Variants in PCSK5 observed in about 807,000 individuals in gnomAD.
The protein encoded by PCSK5 is proprotein convertase subtilisin/kexin type 5.
A neutral mutation model predicts 233.2 loss-of-function variants in PCSK5; 129 were observed. The observed-to-expected ratio is 0.55, with a 90% confidence interval of 0.48 to 0.64. The LOEUF (loss-of-function observed/expected upper bound fraction) is 0.64, where lower values mean the gene tolerates loss of function less well. PCSK5 is among the 30% of genes least tolerant of loss of function. The pLI is 0.00. For synonymous variants in PCSK5, 825 were observed against 879.2 expected, an observed-to-expected ratio of 0.94 and a Z score of 1.09; for missense variants, 2,076 against 2,430.1, an observed-to-expected ratio of 0.85 and a Z score of 3.06.
intron 34 of PCSK5, among the ~76,000 whole-genome samples, chr9:76,334,574 T>C (rs927707667): frequency 4.6e-5 from 7 of 151,740 alleles, no homozygotes; most frequent in Admixed American, 4.6e-4. Context: ...CTACTAAAAA[T>C]ACAAAAACTA....
intron 21 of PCSK5, among the ~76,000 whole-genome samples, chr9:76,230,808 C>T (rs749683851): frequency 5.9e-5 from 9 of 152,006 alleles, no homozygotes; most frequent in Non-Finnish European, 1.2e-4. Flanking sequence ...CTCACTGCCT[C>T]CCGTCATCCC....
At chr9:76,233,375 CA>C in intron 21 of PCSK5, 84 bp from the exon 22 acceptor site, 1 of 1,356,602 alleles carries the variant, frequency 7.4e-7, no homozygotes, top group Non-Finnish European at 1.0e-6. Flanking sequence ...ATCTGTCCAG[CA>C]AACATGAATA....
Position 76,325,701 on chromosome 9 carries a change from G to A in PCSK5, c.4340-2308G>A, listed in dbSNP as rs1564181907. ...CTGCCAGGCTGGAGTGCAATGGCGC[G>A]ATCTGGACTCACCACAACCTCCGCC... is the stretch of plus-strand genomic sequence containing the variant. On this transcript the variant is annotated intron_variant, in intron 32 of 37. Coordinates refer to ENST00000674117, the MANE Select transcript of PCSK5 (RefSeq NM_001372043.1). Among the ~76,000 whole-genome samples, 5 of 151,802 alleles carry A rather than the reference G, an allele frequency of 3.3e-5. No individual in the cohort carries two copies. The South Asian group carries it at 8.3e-4, about 25-fold the overall frequency.
chr9:76,183,070 T>G (rs1357211580), intron 16 of PCSK5, among the ~76,000 whole-genome samples: 1 of 152,018 alleles, frequency 6.6e-6, no homozygotes, highest in Non-Finnish European at 1.5e-5. Context: ...AAGGAGAAAT[T>G]GGGAGACAGA....
chr9:76,142,607 A>G lies in PCSK5; in HGVS notation c.1312+8395A>G, dbSNP rs139099566. Reference sequence around the variant, plus strand: ...GCTTAAGTAAAATTATTTATGAGCTATATGTCATGCATTCTAATAAAACAT... The same window carrying G: ...GCTTAAGTAAAATTATTTATGAGCTGTATGTCATGCATTCTAATAAAACAT... On this transcript the variant is annotated intron_variant, in intron 10 of 37. Transcript: ENST00000674117. Among the ~76,000 whole-genome samples, 1,279 of 152,298 alleles carry G rather than the reference A, an allele frequency of 8.4e-3. 28 individuals are homozygous for G. Among genetic ancestry groups the G allele is most frequent in the African/African-American group, 0.028 (1,147 of 41,570 alleles).
intron 10 of PCSK5, among the ~76,000 whole-genome samples, chr9:76,143,927 C>T (rs1192363119): frequency 1.3e-5 from 2 of 152,030 alleles, no homozygotes; most frequent in Non-Finnish European, 1.5e-5. Context: ...TCCGAAAAGC[C>T]ATCTAACTTC....
At chr9:75,970,722 A>G (rs150896539) in intron 2 of PCSK5, among the ~76,000 whole-genome samples, 192 of 152,128 alleles carry the variant, frequency 1.3e-3, no homozygotes, top group African/African-American at 4.2e-3. Flanking sequence ...CCTAGGTTCA[A>G]ATAATTCTCC....
intron 9 of PCSK5, among the ~76,000 whole-genome samples, chr9:76,110,415 G>A (rs1171661345): frequency 6.6e-6 from 1 of 152,220 alleles, no homozygotes; most frequent in Non-Finnish European, 1.5e-5. Context: ...AGAAAACTAG[G>A]TCCTGAGCTT....
chr9:76,122,112 C>T lies in PCSK5; in HGVS notation c.1209-11997C>T, dbSNP rs1371135718. Among the ~76,000 whole-genome samples, 3 of 151,336 alleles carry T rather than the reference C, an allele frequency of 2.0e-5. 1 individual carries two copies. Among genetic ancestry groups the T allele is most frequent in the Non-Finnish European group, 3.0e-5 (2 of 67,796 alleles). ...TGCTGGGATTACAGGCGTGAGCCAC[C>T]GCGCCCGGCCTTGGTTTTTATGACT... On this transcript the variant is annotated intron_variant, in intron 9 of 37. Coordinates refer to ENST00000674117, the MANE Select transcript of PCSK5 (RefSeq NM_001372043.1).
intron 3 of PCSK5, among the ~76,000 whole-genome samples, chr9:76,015,144 T>G (rs1305473333): frequency 1.3e-5 from 2 of 152,172 alleles, no homozygotes; most frequent in African/African-American, 4.8e-5. Flanking sequence ...AGTCTGAATC[T>G]GAAGACAGGA....
At chr9:76,235,128 C>T (rs1826209198) in intron 22 of PCSK5, among the ~76,000 whole-genome samples, 1 of 152,132 alleles carries the variant, frequency 6.6e-6, no homozygotes, top group African/African-American at 2.4e-5. Flanking sequence ...AGCACAGTGT[C>T]TGGTATATGG....
At chr9:75,929,831 G>A (rs1823695479) in intron 1 of PCSK5, among the ~76,000 whole-genome samples, 1 of 151,890 alleles carries the variant, frequency 6.6e-6, no homozygotes, top group Non-Finnish European at 1.5e-5. Flanking sequence ...CCAAGCGACA[G>A]GGGTTTCCCC....
rs142142257 is a variant in PCSK5 at position 76,154,565 on chromosome 9, C to G, written c.1313-2480C>G. ...CTGTCCAAGTCCCCACCTCCCTTCT[C>G]CACGCCCCCAACATGCCAATCGAAT... On this transcript the variant is annotated intron_variant, in intron 10 of 37. Coordinates refer to ENST00000674117, the MANE Select transcript of PCSK5 (RefSeq NM_001372043.1). 8.1e-3 allele frequency among the ~76,000 whole-genome samples: 1,233 copies of G among 152,246 alleles called. 27 individuals are homozygous for G. The highest frequency in any genetic ancestry group is 0.027 in the African/African-American group (1,104 of 41,530).
In PCSK5 at chr9:76,195,811, G is replaced by A. The variant is rs567790277; in HGVS notation, c.2626+6065G>A. On this transcript the variant is annotated intron_variant, in intron 20 of 37. Coordinates refer to ENST00000674117, the MANE Select transcript of PCSK5 (RefSeq NM_001372043.1). ...GTTTTTTTGTAAAATATAGTAGAAC[G>A]GTTGTAACTGATACTGGCCAAAATC... 14 of 152,114 alleles carry A rather than the reference G, an allele frequency of 9.2e-5. No homozygotes were observed. In the East Asian group the frequency reaches 1.2e-3, roughly 13 times the overall value. The allele number at this position is 152,114 out of a possible 1,614,324, so 9.4% of individuals were successfully genotyped here. A position where few individuals can be genotyped will look rare whatever the true frequency, so the allele number is the denominator to read the frequency against.
chr9:76,292,094 T>C (rs1828294496), intron 24 of PCSK5, 139 bp from the exon 25 acceptor site: 1 of 616,514 alleles, frequency 1.6e-6, no homozygotes, highest in East Asian at 2.7e-5. Context: ...GTACAATCTG[T>C]TCAAATATTA....
In PCSK5 at chr9:76,310,822, T is replaced by C; in HGVS notation, c.3855T>C (p.His1285=). ...QMQPGHPLFL[H]EGRCYSKCPE... ...AGCCGGGCCACCCTCTCTTCCTCCA[T>C]GAAGGCAGGTGCTACTCCAAGTGCC... The change falls in exon 30 of 38, where the codon CAT becomes CAC. Residue 1285 remains histidine, a synonymous_variant. Coordinates refer to ENST00000674117, the MANE Select transcript of PCSK5 (RefSeq NM_001372043.1). The C allele has an allele frequency of 6.2e-7, 1 of 1,606,864 alleles. No individual in the cohort carries two copies. Among genetic ancestry groups the C allele is most frequent in the Non-Finnish European group, 8.5e-7 (1 of 1,177,820 alleles).
chr9:76,351,460 GAAAGAA>G (rs1564196583), intron 36 of PCSK5, among the ~76,000 whole-genome samples: 1 of 35,490 alleles, frequency 2.8e-5, no homozygotes, highest in African/African-American at 9.8e-5. Flanking sequence ...AAGAAAGAAA[GAAAGAA>G]AGAAAGAAAG....
chr9:75,986,189 A>G lies in PCSK5; in HGVS notation c.355A>G (p.Ser119Gly). 1 of 1,613,880 alleles carries G rather than the reference A, an allele frequency of 6.2e-7. No homozygotes were observed. Among genetic ancestry groups the G allele is most frequent in the Non-Finnish European group, 8.5e-7 (1 of 1,179,726 alleles). ...GCGGACAAAGAGGGATTATGACTTC[A>G]GTCGTGCCCAGTCTACCTATTTCAA... ...KKRTKRDYDF[S>G]RAQSTYFNDP... The change falls in exon 3 of 38, where the codon AGT (serine) becomes GGT (glycine). Residue 119 changes from serine (S) to glycine (G), a missense_variant. Around this residue, in one of 6 missense-constraint regions of PCSK5, gnomAD observed 190 missense variants for 216.3 expected, o/e 0.88. Coordinates refer to ENST00000674117, the MANE Select transcript of PCSK5 (RefSeq NM_001372043.1).
intron 34 of PCSK5, among the ~76,000 whole-genome samples, chr9:76,333,294 C>T (rs1186880687): frequency 6.6e-6 from 1 of 152,208 alleles, no homozygotes. Context: ...ACCTTCAGGA[C>T]TTGTTCTGAT....
Sources: gnomAD v4.1 joint callset for allele counts (sites outside exome capture counted in the v4.1 genomes callset) on GRCh38, gnomAD v4.1.1 for gene constraint, gnomAD v4.1.1 regional missense constraint, MANE v1.5 for transcripts, NCBI Gene and HGNC (gene_info 2026-07-23, HGNC 2026-07-21) for gene names.